The following NKAIN2 variants were observed in gnomAD, a reference collection of about 807,000 sequenced individuals.
NKAIN2 encodes sodium/potassium-transporting ATPase subunit beta-1-interacting protein 2.
A neutral mutation model predicts 32.6 loss-of-function variants in NKAIN2; 14 were observed. The ratio of observed to expected loss-of-function variants is 0.43; its 90% CI spans 0.28 to 0.67. NKAIN2 has a LOEUF of 0.67. NKAIN2 is among the 30% of genes least tolerant of loss of function. The pLI, the probability that NKAIN2 is intolerant of heterozygous loss-of-function variation, is 0.17. For missense variants in NKAIN2, 198 were observed against 258.3 expected (o/e 0.77, Z 1.60); for synonymous variants, 80 against 87.2 (o/e 0.92, Z 0.46).
chr6:124,819,188 T>C, intron 6 of NKAIN2: 2 of 777,304 alleles, frequency 2.6e-6, no homozygotes, highest in Non-Finnish European at 3.1e-6. Context: ...AGATTCCAAT[T>C]CATTTTAAAA....
chr6:123,928,062 C>G (rs936156329), intron 1 of NKAIN2, among the ~76,000 whole-genome samples: 1 of 152,078 alleles, frequency 6.6e-6, no homozygotes, highest in Non-Finnish European at 1.5e-5. Flanking sequence ...GCATACTATG[C>G]AGCCACAAAA....
chr6:124,300,962 A>G (rs1796268115), intron 2 of NKAIN2, among the ~76,000 whole-genome samples: 1 of 152,218 alleles, frequency 6.6e-6, no homozygotes, highest in Non-Finnish European at 1.5e-5. Flanking sequence ...CTGCTGCAGA[A>G]ATTTGCATAA....
intron 3 of NKAIN2, among the ~76,000 whole-genome samples, chr6:124,429,828 C>T (rs1167880754): frequency 6.6e-6 from 1 of 152,108 alleles, no homozygotes; most frequent in Non-Finnish European, 1.5e-5. Flanking sequence ...GTCCCTGGGC[C>T]TATCCTGAAT....
chr6:124,058,871 T>C (rs1292455145), intron 1 of NKAIN2, among the ~76,000 whole-genome samples: 1 of 152,124 alleles, frequency 6.6e-6, no homozygotes, highest in Non-Finnish European at 1.5e-5. Context: ...CGAAGTTTGC[T>C]GTCTGTCCTG....
intron 1 of NKAIN2, among the ~76,000 whole-genome samples, chr6:124,036,786 T>A (rs9491055): frequency 0.12 from 18,879 of 152,046 alleles, 3,592 homozygotes; most frequent in African/African-American, 0.41. Flanking sequence ...TGTGTTTTTT[T>A]AAAAACTGCT....
At chr6:124,035,700 T>A (rs1781579627) in intron 1 of NKAIN2, among the ~76,000 whole-genome samples, 1 of 152,186 alleles carries the variant, frequency 6.6e-6, no homozygotes, top group South Asian at 2.1e-4. Context: ...TAATTCACTC[T>A]ACTTCTGCTC....
intron 3 of NKAIN2, among the ~76,000 whole-genome samples, chr6:124,519,806 T>A (rs905284786): frequency 2.0e-5 from 3 of 152,160 alleles, no homozygotes; most frequent in Non-Finnish European, 4.4e-5. Context: ...TAAGAACAGA[T>A]CTATAATACA....
Position 124,679,000 on chromosome 6 carries a change from G to C in NKAIN2, c.474+20614G>C, listed in dbSNP as rs112751196. On this transcript the variant is annotated intron_variant, in intron 4 of 6. Transcript: ENST00000368417. ...GTTTGTGTTCTTTCACTCCCTTGGT[G>C]CATGTCAGAAGTACCAAAGGTTCTC... is the stretch of plus-strand genomic sequence containing the variant. Among the ~76,000 whole-genome samples, 1,286 of 152,018 alleles carry C rather than the reference G, an allele frequency of 8.5e-3. 25 individuals are homozygous for C. The highest frequency in any genetic ancestry group is 0.03 in the African/African-American group (1,227 of 41,470).
chr6:124,278,226 G>A (rs1482374977), intron 1 of NKAIN2, among the ~76,000 whole-genome samples: 1 of 152,058 alleles, frequency 6.6e-6, no homozygotes, highest in Non-Finnish European at 1.5e-5. Context: ...CTTCCCTTTT[G>A]CCTTGCAAAC....
intron 3 of NKAIN2, among the ~76,000 whole-genome samples, chr6:124,627,790 T>C (rs1783411219): frequency 6.6e-6 from 1 of 152,066 alleles, no homozygotes; most frequent in South Asian, 2.1e-4. Flanking sequence ...TCTTTCCTAT[T>C]GCACATCCCA....
chr6:124,821,205 GA>G lies in NKAIN2; in HGVS notation c.618-2013del, dbSNP rs1287206744. On this transcript the variant is annotated intron_variant, in intron 6 of 6. Coordinates refer to ENST00000368417, the MANE Select transcript of NKAIN2 (RefSeq NM_001040214.3). ...AGTTACTCGGGAGGCTGAGGCAGGA[GA>G]ATCTCTGGAACCTGGGAGGTGGAGG... Among the ~76,000 whole-genome samples the G allele has an allele frequency of 1.5e-4, 23 of 151,734 alleles. No homozygotes were observed. The South Asian group carries it at 2.1e-3, about 14-fold the overall frequency.
chr6:124,536,526 C>G (rs918496916), intron 3 of NKAIN2, among the ~76,000 whole-genome samples: 2 of 152,016 alleles, frequency 1.3e-5, no homozygotes, highest in African/African-American at 4.8e-5. Flanking sequence ...ATCCCCTTCC[C>G]TTGCCTGAAT....
At chr6:124,110,836 G>A (rs920659800) in intron 1 of NKAIN2, among the ~76,000 whole-genome samples, 36 of 152,174 alleles carry the variant, frequency 2.4e-4, no homozygotes, top group African/African-American at 8.2e-4. Context: ...TTGCTATTGT[G>A]AATAGCGCTG....
chr6:124,522,886 G>A (rs58822123), intron 3 of NKAIN2, among the ~76,000 whole-genome samples: 9,470 of 151,888 alleles, frequency 0.062, 784 homozygotes, highest in African/African-American at 0.2. Context: ...GCTCACGCCT[G>A]TAATCCCAGC....
intron 3 of NKAIN2, among the ~76,000 whole-genome samples, chr6:124,601,633 A>C (rs1782311559): frequency 6.6e-6 from 1 of 152,044 alleles, no homozygotes; most frequent in Non-Finnish European, 1.5e-5. Context: ...GCCTTATATG[A>C]TTAGGAAATG....
intron 1 of NKAIN2, among the ~76,000 whole-genome samples, chr6:123,991,850 C>T (rs1779427234): frequency 6.6e-6 from 1 of 151,380 alleles, no homozygotes. Flanking sequence ...GGCGACATAG[C>T]GAGACTCTGT....
At chr6:124,168,240 A>G (rs1178649877) in intron 1 of NKAIN2, among the ~76,000 whole-genome samples, 1 of 152,166 alleles carries the variant, frequency 6.6e-6, no homozygotes, top group Non-Finnish European at 1.5e-5. Flanking sequence ...AAAATTTGAC[A>G]AGTTAACTGA....
intron 4 of NKAIN2, among the ~76,000 whole-genome samples, chr6:124,776,086 C>T (rs969898920): frequency 6.6e-5 from 10 of 152,140 alleles, no homozygotes; most frequent in African/African-American, 2.4e-4. Context: ...CTCCTAAATC[C>T]AATTGCAGTT....
intron 3 of NKAIN2, among the ~76,000 whole-genome samples, chr6:124,608,549 C>T (rs1284432965): frequency 2.6e-5 from 4 of 152,146 alleles, no homozygotes; most frequent in African/African-American, 9.7e-5. Flanking sequence ...CTCCCTACAG[C>T]AGTGCTGTGG....
Sources: gnomAD v4.1 joint callset for allele counts (sites outside exome capture counted in the v4.1 genomes callset) on GRCh38, gnomAD v4.1.1 for gene constraint, MANE v1.5 for transcripts, NCBI Gene and HGNC (gene_info 2026-07-23, HGNC 2026-07-21) for gene names.